The following ZMAT4 variants were observed in gnomAD, a reference collection of about 807,000 sequenced individuals.
The protein encoded by ZMAT4 is zinc finger matrin-type 4.
Under a neutral mutation model 28.7 loss-of-function variants are expected in ZMAT4, and 17 were observed. The observed-to-expected ratio is 0.59, with a 90% CI of 0.41 to 0.89. ZMAT4 has a LOEUF of 0.89. Ranked by LOEUF, ZMAT4 falls within the 40% of genes least tolerant of loss-of-function variation. ZMAT4 has a pLI of 0.00. For missense variants in ZMAT4, 240 were observed against 283.8 expected (o/e 0.85, Z 1.11); for synonymous variants, 117 against 109.2 (o/e 1.07, Z -0.44).
chr8:40,615,452 C>T (rs1338384209), intron 5 of ZMAT4, among the ~76,000 whole-genome samples: 1 of 152,142 alleles, frequency 6.6e-6, no homozygotes, highest in Non-Finnish European at 1.5e-5. Flanking sequence ...CTCCGTATTT[C>T]CTGAATTTGA....
chr8:40,595,101 T>A (rs1327229661), intron 5 of ZMAT4, among the ~76,000 whole-genome samples: 1 of 152,196 alleles, frequency 6.6e-6, no homozygotes, highest in Non-Finnish European at 1.5e-5. Flanking sequence ...TTGAAAATCG[T>A]GTAATTGCAC....
At chr8:40,715,047 C>CAAAAAAAAAAAAAAAAA (rs10690797) in intron 3 of ZMAT4, among the ~76,000 whole-genome samples, 1 of 73,364 alleles carries the variant, frequency 1.4e-5, no homozygotes, top group African/African-American at 6.1e-5. Flanking sequence ...GACTCTGTCT[C>CAAAAAAAAAAAAAAAAA]AAAAAAAAAA....
chr8:40,563,137 A>C (rs1413894007), intron 6 of ZMAT4, among the ~76,000 whole-genome samples: 1 of 152,100 alleles, frequency 6.6e-6, no homozygotes. Context: ...TCTTCATCTG[A>C]ATGTTCTTAG....
At chr8:40,715,179 A>G (rs942770779) in intron 3 of ZMAT4, among the ~76,000 whole-genome samples, 13 of 152,162 alleles carry the variant, frequency 8.5e-5, no homozygotes, top group African/African-American at 2.9e-4. Context: ...AGGAACAGTG[A>G]GTAGAGAGGC....
intron 6 of ZMAT4, among the ~76,000 whole-genome samples, chr8:40,576,771 C>T (rs1233629454): frequency 6.6e-6 from 1 of 152,100 alleles, no homozygotes; most frequent in African/African-American, 2.4e-5. Flanking sequence ...AGGAATCAAA[C>T]CTTATCACTA....
intron 3 of ZMAT4, among the ~76,000 whole-genome samples, chr8:40,708,572 T>A (rs1585914931): frequency 3.1e-4 from 1 of 3,190 alleles, no homozygotes; most frequent in Non-Finnish European, 6.4e-4. Context: ...ACACACTCTT[T>A]CTCTCTCTCT....
chr8:40,825,138 C>T (rs1586122428), intron 2 of ZMAT4, among the ~76,000 whole-genome samples: 1 of 152,100 alleles, frequency 6.6e-6, no homozygotes, highest in Admixed American at 6.6e-5. Flanking sequence ...AAGTGGCCCA[C>T]GGCTGCTTCA....
intron 3 of ZMAT4, among the ~76,000 whole-genome samples, chr8:40,723,256 GGTAGGACTGGGCACGGTGGCTCACGCCT>G (rs1470918545): frequency 1.3e-5 from 2 of 152,004 alleles, no homozygotes; most frequent in Non-Finnish European, 2.9e-5. Flanking sequence ...CTAAAGATTG[GGTAGGACTGGGCACGGTGGCTCACGCCT>G]GTAATCCCAA....
At chr8:40,556,860 C>T (rs936508899) in intron 6 of ZMAT4, among the ~76,000 whole-genome samples, 3 of 152,290 alleles carry the variant, frequency 2.0e-5, no homozygotes, top group East Asian at 1.9e-4. Flanking sequence ...CTTCTAGCTG[C>T]TTTGAAATAT....
At position 40,749,984 on chromosome 8, in the gene ZMAT4, T is replaced by C. The variant is rs115628907; in HGVS notation, c.192+17657A>G. ...CACAGGGCAGGTGCACAGTAGGGGTTTGCCAGACGTAAGTCCAAAAAGACA... is the reference window on the plus strand; with the variant it reads ...CACAGGGCAGGTGCACAGTAGGGGTCTGCCAGACGTAAGTCCAAAAAGACA... On this transcript the variant is annotated intron_variant, in intron 3 of 6. Transcript: ENST00000297737. Among the ~76,000 whole-genome samples, 1,222 of 152,274 alleles carry C rather than the reference T, an allele frequency of 8.0e-3. 17 individuals carry two copies. The highest frequency in any genetic ancestry group is 0.028 in the African/African-American group (1,158 of 41,548).
intron 5 of ZMAT4, among the ~76,000 whole-genome samples, chr8:40,639,129 A>T (rs756331358): frequency 1.1e-4 from 16 of 152,252 alleles, no homozygotes; most frequent in Admixed American, 4.6e-4. Flanking sequence ...CATATGCTGC[A>T]GACAGGAGCC....
At chr8:40,671,621 A>C (rs551043209) in intron 5 of ZMAT4, among the ~76,000 whole-genome samples, 26 of 152,324 alleles carry the variant, frequency 1.7e-4, no homozygotes, top group African/African-American at 6.3e-4. Flanking sequence ...AAGCAAAACT[A>C]ATCTATGATG....
intron 6 of ZMAT4, among the ~76,000 whole-genome samples, chr8:40,560,217 A>AT (rs1491323617): frequency 0.031 from 4,621 of 149,454 alleles, 251 homozygotes; most frequent in African/African-American, 0.11. Context: ...ATATATATAT[A>AT]AAATTTGACC....
intron 3 of ZMAT4, 116 bp from the exon 4 acceptor site, chr8:40,697,517 G>GTCTC (rs57195391): frequency 0.44 from 434,430 of 979,228 alleles, 94,283 homozygotes; most frequent in African/African-American, 0.61. Flanking sequence ...TCTGCAAGCT[G>GTCTC]TCTCTCTCTC....
At chr8:40,811,690 T>A (rs1236074293) in intron 2 of ZMAT4, among the ~76,000 whole-genome samples, 2 of 152,204 alleles carry the variant, frequency 1.3e-5, no homozygotes, top group East Asian at 3.9e-4. Flanking sequence ...AGGTAATAGA[T>A]GCTCATTATG....
intron 6 of ZMAT4, among the ~76,000 whole-genome samples, chr8:40,548,461 G>C (rs1803268318): frequency 6.6e-6 from 1 of 152,142 alleles, no homozygotes; most frequent in Non-Finnish European, 1.5e-5. Flanking sequence ...TGTGATTTAT[G>C]CATAGAAGTT....
chr8:40,769,575 G>A (rs1272414020), intron 2 of ZMAT4, among the ~76,000 whole-genome samples: 1 of 152,226 alleles, frequency 6.6e-6, no homozygotes, highest in Non-Finnish European at 1.5e-5. Context: ...CTGAGCTGGT[G>A]ATAAAGCACG....
At chr8:40,534,677 CTTTTTTTTTTTTT>C (rs34915339) in intron 6 of ZMAT4, among the ~76,000 whole-genome samples, 4 of 87,382 alleles carry the variant, frequency 4.6e-5, no homozygotes, top group Non-Finnish European at 7.1e-5. Context: ...CATTTGCTAC[CTTTTTTTTTTTTT>C]TTTTTTTTTT....
Position 40,712,646 on chromosome 8 carries a change from G to A in ZMAT4, c.193-15245C>T, listed in dbSNP as rs568995054. 5.6e-4 allele frequency among the ~76,000 whole-genome samples: 86 copies of A among 152,260 alleles called. 3 individuals are homozygous for A. In the South Asian group the frequency reaches 0.017, roughly 30 times the overall value. On this transcript the variant is annotated intron_variant, in intron 3 of 6. Transcript: ENST00000297737. The stretch of plus-strand genomic sequence containing the variant: ...TTACCCACAAACAGACAGGCTACAT[G>A]GGCAGACAGGGAAGCTCCAATAGCG...
Sources: allele counts gnomAD v4.1 joint callset (sites outside exome capture counted in the v4.1 genomes callset), GRCh38; gene constraint gnomAD v4.1.1; transcripts MANE v1.5; gene names NCBI Gene and HGNC (gene_info 2026-07-23, HGNC 2026-07-21).